Variants in CDH13 observed in about 807,000 individuals in gnomAD.
CDH13 encodes cadherin 13.
CDH13 carries 24 observed loss-of-function variants against 63.8 expected under a neutral mutation model. That is an observed-to-expected ratio of 0.38 (90% CI 0.27 to 0.53). The LOEUF (loss-of-function observed/expected upper bound fraction) is 0.53, where lower values mean the gene tolerates loss of function less well. Ranked by LOEUF, CDH13 falls within the 20% of genes least tolerant of loss-of-function variation. The pLI, the probability that CDH13 is intolerant of heterozygous loss-of-function variation, is 0.85. For missense variants in CDH13, 1,049 were observed against 903.1 expected, an observed-to-expected ratio of 1.16 and a Z score of -2.07; for synonymous variants, 503 against 355.3, an observed-to-expected ratio of 1.42 and a Z score of -4.67.
chr16:82,812,151 C>T (rs2037477595), intron 1 of CDH13, among the ~76,000 whole-genome samples: 1 of 152,076 alleles, frequency 6.6e-6, no homozygotes, highest in Non-Finnish European at 1.5e-5. Context: ...ATCATTGTGC[C>T]AACAGACTGC....
At chr16:82,802,021 G>C (rs116959216) in intron 1 of CDH13, among the ~76,000 whole-genome samples, 5 of 152,194 alleles carry the variant, frequency 3.3e-5, no homozygotes, top group African/African-American at 1.2e-4. Context: ...GTGGGGCTCA[G>C]TTCCGTTGAG....
At chr16:82,818,879 G>A (rs1421776404) in intron 1 of CDH13, among the ~76,000 whole-genome samples, 1 of 152,150 alleles carries the variant, frequency 6.6e-6, no homozygotes, top group Non-Finnish European at 1.5e-5. Context: ...AAGAAAACAT[G>A]GCTAACGGTA....
intron 5 of CDH13, among the ~76,000 whole-genome samples, chr16:83,308,056 T>A (rs1394677081): frequency 3.3e-5 from 5 of 151,960 alleles, no homozygotes; most frequent in East Asian, 1.9e-4. Flanking sequence ...GCCAAATAAC[T>A]AATTGTAAAA....
intron 1 of CDH13, among the ~76,000 whole-genome samples, chr16:82,718,743 C>T (rs1045110383): frequency 6.6e-6 from 1 of 152,066 alleles, no homozygotes; most frequent in South Asian, 2.1e-4. Context: ...CATCAGATCT[C>T]GTGAGACGAT....
At chr16:82,789,597 T>C (rs909656232) in intron 1 of CDH13, among the ~76,000 whole-genome samples, 8 of 152,196 alleles carry the variant, frequency 5.3e-5, no homozygotes, top group Non-Finnish European at 1.0e-4. Context: ...TAGAAACAAA[T>C]GGGAGGTCCA....
chr16:83,580,875 A>G (rs1368045247), intron 7 of CDH13, among the ~76,000 whole-genome samples: 2 of 152,192 alleles, frequency 1.3e-5, no homozygotes, highest in African/African-American at 4.8e-5. Context: ...AATTGTAAGT[A>G]GAAAGTTGAG....
intron 2 of CDH13, among the ~76,000 whole-genome samples, chr16:82,867,661 G>C (rs747148211): frequency 6.6e-6 from 1 of 152,082 alleles, no homozygotes; most frequent in Admixed American, 6.5e-5. Flanking sequence ...GCTTTTAATT[G>C]ACTATAAATC....
chr16:82,951,932 C>T (rs1353052650), intron 2 of CDH13, among the ~76,000 whole-genome samples: 1 of 152,112 alleles, frequency 6.6e-6, no homozygotes, highest in Admixed American at 6.6e-5. Context: ...GTGTGTTTGT[C>T]ATTTTTCTTT....
chr16:83,443,758 A>C (rs976991157), intron 6 of CDH13, among the ~76,000 whole-genome samples: 2 of 139,284 alleles, frequency 1.4e-5, no homozygotes, highest in African/African-American at 5.5e-5. Context: ...ATATATATAT[A>C]TATATGGAGA....
rs189532721 is a variant in CDH13 at position 83,074,031 on chromosome 16, C to G, written c.366+41813C>G. Among the ~76,000 whole-genome samples, 4 of 152,218 alleles carry G rather than the reference C, an allele frequency of 2.6e-5. 1 individual carries two copies. The highest frequency in any genetic ancestry group is 7.2e-5 in the African/African-American group (3 of 41,534). On this transcript the variant is annotated intron_variant, in intron 3 of 13. Coordinates refer to ENST00000567109, the MANE Select transcript of CDH13 (RefSeq NM_001257.5). ...TCCCCTCTAGCTATTTTGAGATGTA[C>G]AATACATTGGTGTGAGCTGTAGTCA...
At chr16:83,627,810 A>G (rs2150788024) in intron 8 of CDH13, among the ~76,000 whole-genome samples, 1 of 152,308 alleles carries the variant, frequency 6.6e-6, no homozygotes, top group Non-Finnish European at 1.5e-5. Flanking sequence ...GTTTTTTGGG[A>G]AAATCAATGA....
At chr16:82,943,814 G>T (rs976620020) in intron 2 of CDH13, among the ~76,000 whole-genome samples, 1 of 152,198 alleles carries the variant, frequency 6.6e-6, no homozygotes, top group Admixed American at 6.5e-5. Context: ...AAGACAAAAT[G>T]CTATTAATAA....
At chr16:83,245,292 C>T (rs920794918) in intron 5 of CDH13, among the ~76,000 whole-genome samples, 3 of 152,156 alleles carry the variant, frequency 2.0e-5, no homozygotes, top group Non-Finnish European at 4.4e-5. Context: ...AAGAAGTTCT[C>T]GTGGGGAAAT....
chr16:82,979,262 A>T (rs974603705), intron 2 of CDH13, among the ~76,000 whole-genome samples: 1 of 152,084 alleles, frequency 6.6e-6, no homozygotes, highest in Non-Finnish European at 1.5e-5. Context: ...ATGGACTTGG[A>T]GTTTTCAGTT....
At chr16:83,026,604 GA>G (rs1208216940) in intron 2 of CDH13, among the ~76,000 whole-genome samples, 1 of 151,850 alleles carries the variant, frequency 6.6e-6, no homozygotes, top group Non-Finnish European at 1.5e-5. Flanking sequence ...GTGGCAATTA[GA>G]AAAAAATACT....
At chr16:82,781,902 C>A (rs1401084988) in intron 1 of CDH13, among the ~76,000 whole-genome samples, 1 of 152,078 alleles carries the variant, frequency 6.6e-6, no homozygotes, top group Non-Finnish European at 1.5e-5. Context: ...AGAACTGTGC[C>A]GTGTTGCTGT....
Position 83,593,957 on chromosome 16 carries a change from A to G in CDH13, c.961-8497A>G, listed in dbSNP as rs555123787. 3.3e-5 allele frequency among the ~76,000 whole-genome samples: 5 copies of G among 152,316 alleles called. No individual in the cohort carries two copies. In the South Asian group the frequency reaches 1.0e-3, roughly 32 times the overall value. On this transcript the variant is annotated intron_variant, in intron 7 of 13. Transcript: ENST00000567109. The stretch of plus-strand genomic sequence containing the variant: ...TTGTCTCAAAACTTAGTGACTTGAG[A>G]CAAGAAGCACTGATTATCTCACAGT...
intron 2 of CDH13, among the ~76,000 whole-genome samples, chr16:82,927,331 A>G (rs1053837410): frequency 6.6e-6 from 1 of 152,202 alleles, no homozygotes; most frequent in Non-Finnish European, 1.5e-5. Context: ...ATTACCTTGC[A>G]TCGTGAGCAT....
chr16:82,907,778 G>A (rs536169271), intron 2 of CDH13, among the ~76,000 whole-genome samples: 15 of 152,246 alleles, frequency 9.9e-5, no homozygotes, highest in Middle Eastern at 6.8e-3. Context: ...CATAGCCAGC[G>A]CTGTGCAGGG....
Sources: gnomAD v4.1 joint callset for allele counts (sites outside exome capture counted in the v4.1 genomes callset) on GRCh38, gnomAD v4.1.1 for gene constraint, MANE v1.5 for transcripts, NCBI Gene and HGNC (gene_info 2026-07-23, HGNC 2026-07-21) for gene names.